Variants in NELL2 observed in about 807,000 individuals in gnomAD.
The protein encoded by NELL2 is protein kinase C-binding protein NELL2.
In NELL2, 41 loss-of-function variants were observed where a neutral mutation model predicts 109.6. That is an observed-to-expected ratio of 0.37 (90% CI 0.29 to 0.49). The LOEUF is 0.49. Ranked by LOEUF, NELL2 falls within the 20% of genes least tolerant of loss-of-function variation. NELL2 has a pLI of 0.98. For synonymous variants in NELL2, 355 were observed against 344.7 expected, an observed-to-expected ratio of 1.03 and a Z score of -0.33; for missense variants, 900 against 1,008.3, an observed-to-expected ratio of 0.89 and a Z score of 1.45.
At chr12:44,820,205 T>A (rs1250251371) in intron 2 of NELL2, among the ~76,000 whole-genome samples, 1 of 152,186 alleles carries the variant, frequency 6.6e-6, no homozygotes, top group Non-Finnish European at 1.5e-5. Context: ...CTTAAAAACA[T>A]GTTTTCAAGA....
chr12:44,795,731 A>G (rs938620845), intron 3 of NELL2, among the ~76,000 whole-genome samples: 1 of 152,150 alleles, frequency 6.6e-6, no homozygotes, highest in Non-Finnish European at 1.5e-5. Context: ...ATAATGAAAT[A>G]TAAAGAGTGA....
At chr12:44,873,748 A>C (rs200585434) in intron 2 of NELL2, among the ~76,000 whole-genome samples, 36,143 of 149,084 alleles carry the variant, frequency 0.24, 5,280 homozygotes, top group East Asian at 0.43. Context: ...CAACAACAAA[A>C]AAAAAAAAAC....
upstream of NELL2, among the ~76,000 whole-genome samples, chr12:44,878,017 A>C (rs1027553205): frequency 2.6e-5 from 4 of 152,236 alleles, no homozygotes; most frequent in African/African-American, 9.6e-5. Context: ...ATAAATTTTA[A>C]ATAACGTAGC....
At chr12:44,803,895 A>G (rs1044272653) in intron 3 of NELL2, among the ~76,000 whole-genome samples, 1 of 152,010 alleles carries the variant, frequency 6.6e-6, no homozygotes, top group African/African-American at 2.4e-5. Flanking sequence ...TATCAGCAAA[A>G]AATTATTTTA....
At chr12:44,622,399 A>C (rs1234518424) in intron 13 of NELL2, among the ~76,000 whole-genome samples, 1 of 152,140 alleles carries the variant, frequency 6.6e-6, no homozygotes, top group Non-Finnish European at 1.5e-5. Context: ...TCACTAAGCT[A>C]GTGAAAATCT....
At chr12:44,601,413 G>C (rs1216240039) in intron 15 of NELL2, among the ~76,000 whole-genome samples, 1 of 152,090 alleles carries the variant, frequency 6.6e-6, no homozygotes, top group Non-Finnish European at 1.5e-5. Context: ...AATTTTTAAA[G>C]TTTGCATTAG....
At chr12:44,518,078 G>A (rs1941353616) in intron 19 of NELL2, among the ~76,000 whole-genome samples, 1 of 152,040 alleles carries the variant, frequency 6.6e-6, no homozygotes, top group African/African-American at 2.4e-5. Flanking sequence ...TTAATAACAA[G>A]AGATAAAGAA....
At chr12:44,714,344 C>G (rs1938370909) in intron 10 of NELL2, among the ~76,000 whole-genome samples, 1 of 151,924 alleles carries the variant, frequency 6.6e-6, no homozygotes, top group Admixed American at 6.6e-5. Flanking sequence ...CTAAGTCTAA[C>G]TTCACCTACA....
At chr12:44,632,498 T>C (rs370410086) in intron 13 of NELL2, among the ~76,000 whole-genome samples, 1 of 152,122 alleles carries the variant, frequency 6.6e-6, no homozygotes. Flanking sequence ...ACTTAAGTGA[T>C]GAAGATAATA....
chr12:44,857,538 C>G (rs994822162), intron 2 of NELL2, among the ~76,000 whole-genome samples: 7 of 152,146 alleles, frequency 4.6e-5, no homozygotes, highest in Non-Finnish European at 1.0e-4. Flanking sequence ...CAGCTCCCAC[C>G]AACAGATCAA....
At chr12:44,542,763 G>A (rs1320825897) in intron 15 of NELL2, among the ~76,000 whole-genome samples, 1 of 152,162 alleles carries the variant, frequency 6.6e-6, no homozygotes, top group Non-Finnish European at 1.5e-5. Flanking sequence ...GCCACTACAA[G>A]TATTATGGGA....
At chr12:44,826,309 A>G (rs566127903) in intron 2 of NELL2, among the ~76,000 whole-genome samples, 7 of 152,298 alleles carry the variant, frequency 4.6e-5, no homozygotes, top group Non-Finnish European at 8.8e-5. Context: ...AGAATGGTTG[A>G]CTTAAAATAT....
At chr12:44,830,536 G>A (rs563759500) in intron 2 of NELL2, among the ~76,000 whole-genome samples, 29 of 152,142 alleles carry the variant, frequency 1.9e-4, no homozygotes, top group Admixed American at 5.2e-4. Flanking sequence ...CAGGGCATGG[G>A]GCACATTGTA....
At chr12:44,662,287 A>G (rs1252596395) in intron 13 of NELL2, among the ~76,000 whole-genome samples, 2 of 152,232 alleles carry the variant, frequency 1.3e-5, no homozygotes, top group Admixed American at 6.5e-5. Context: ...GAAATAACCT[A>G]TAAAGACAGT....
intron 1 of NELL2, among the ~76,000 whole-genome samples, chr12:44,884,808 T>G (rs1235532367): frequency 6.6e-6 from 1 of 152,050 alleles, no homozygotes; most frequent in Non-Finnish European, 1.5e-5. Flanking sequence ...TTATATCCAC[T>G]GATGAAAACA....
At chr12:44,810,233 A>G (rs10785534) in intron 3 of NELL2, among the ~76,000 whole-genome samples, 61,579 of 151,894 alleles carry the variant, frequency 0.41, 12,948 homozygotes, top group African/African-American at 0.5. Flanking sequence ...CAGATGTAAT[A>G]GAGTTTGCAA....
At chr12:44,648,784 G>A (rs1184834813) in intron 13 of NELL2, among the ~76,000 whole-genome samples, 4 of 139,774 alleles carry the variant, frequency 2.9e-5, no homozygotes, top group African/African-American at 8.1e-5. Context: ...TGCCCAGGCT[G>A]GAGTGCAGTG....
chr12:44,612,425 T>A (rs1324804412), intron 13 of NELL2, among the ~76,000 whole-genome samples: 1 of 151,794 alleles, frequency 6.6e-6, no homozygotes, highest in South Asian at 2.1e-4. Context: ...CAAATGGATA[T>A]ATTATTTTCC....
intron 13 of NELL2, among the ~76,000 whole-genome samples, chr12:44,639,273 T>C (rs1464120352): frequency 1.3e-5 from 2 of 152,130 alleles, no homozygotes; most frequent in African/African-American, 4.8e-5. Flanking sequence ...GCAGATATGA[T>C]TGTAAATAAT....
Sources: allele counts gnomAD v4.1 joint callset (sites outside exome capture counted in the v4.1 genomes callset), GRCh38; gene constraint gnomAD v4.1.1; transcripts MANE v1.5; gene names NCBI Gene and HGNC (gene_info 2026-07-23, HGNC 2026-07-21).